CDC42SE2: variants seen among roughly 807,000 people sequenced by gnomAD.
CDC42SE2 encodes the protein CDC42 small effector protein 2.
CDC42SE2 carries 3 observed loss-of-function variants against 11.5 expected under a neutral mutation model. That is an observed-to-expected ratio of 0.26 (90% CI 0.12 to 0.67). The LOEUF (loss-of-function observed/expected upper bound fraction) is 0.67, where lower values mean the gene tolerates loss of function less well. Among genes scored for constraint, CDC42SE2 ranks in the 30% least tolerant of loss-of-function variants. The pLI is 0.80. For missense variants in CDC42SE2, 82 were observed against 106.8 expected (o/e 0.77, Z 1.02); for synonymous variants, 33 against 34.8 (o/e 0.95, Z 0.18).
At chr5:131,384,821 G>A (rs967616054) in intron 3 of CDC42SE2, among the ~76,000 whole-genome samples, 2 of 149,672 alleles carry the variant, frequency 1.3e-5, no homozygotes, top group Non-Finnish European at 2.9e-5. Flanking sequence ...AGTGGTGCGT[G>A]CCTGTAATCC....
chr5:131,216,501 C>CAAAAAAAAA, the CDC42SE2 span, among the ~76,000 whole-genome samples: 31 of 42,162 alleles, frequency 7.4e-4, 1 homozygote, highest in African/African-American at 1.8e-3. Flanking sequence ...GAACCTGTCT[C>CAAAAAAAAA]AAAAAAAAAA....
chr5:131,328,004 G>T (rs1212441016), intron 2 of CDC42SE2, among the ~76,000 whole-genome samples: 2 of 152,298 alleles, frequency 1.3e-5, no homozygotes, highest in East Asian at 3.9e-4. Context: ...ACATGTTGCT[G>T]TGGCAGAAGG....
chr5:131,348,067 C>T (rs1758897571), intron 2 of CDC42SE2, among the ~76,000 whole-genome samples: 1 of 152,146 alleles, frequency 6.6e-6, no homozygotes, highest in Non-Finnish European at 1.5e-5. Context: ...TGGAAGCATT[C>T]CCTTTGAAAA....
At chr5:131,341,440 C>T (rs961178295) in intron 2 of CDC42SE2, among the ~76,000 whole-genome samples, 5 of 152,108 alleles carry the variant, frequency 3.3e-5, no homozygotes, top group Admixed American at 6.6e-5. Context: ...TTCAACTAAA[C>T]GATCAATCAA....
At chr5:131,365,939 G>A (rs1289466414) in intron 3 of CDC42SE2, among the ~76,000 whole-genome samples, 4 of 152,128 alleles carry the variant, frequency 2.6e-5, no homozygotes, top group African/African-American at 7.2e-5. Context: ...TGGAGATTGC[G>A]CCACTGCACT....
intron 3 of CDC42SE2, among the ~76,000 whole-genome samples, chr5:131,378,554 C>T (rs1273136801): frequency 1.3e-5 from 2 of 152,120 alleles, no homozygotes; most frequent in African/African-American, 4.8e-5. Context: ...CATGGTGCCT[C>T]TAGGCCAAGA....
chr5:131,369,222 G>T (rs1749946986), intron 3 of CDC42SE2, among the ~76,000 whole-genome samples: 1 of 152,132 alleles, frequency 6.6e-6, no homozygotes, highest in South Asian at 2.1e-4. Context: ...TCATCCAATG[G>T]TATATTTATA....
intron 1 of CDC42SE2, among the ~76,000 whole-genome samples, chr5:131,271,042 CTT>C (rs888510285): frequency 5.9e-5 from 9 of 152,256 alleles, no homozygotes; most frequent in African/African-American, 2.2e-4. Context: ...AAAGCTGACT[CTT>C]TCTTCAGGAG....
chr5:131,321,267 G>A (rs116163579), intron 2 of CDC42SE2, among the ~76,000 whole-genome samples: 5,965 of 152,238 alleles, frequency 0.039, 369 homozygotes, highest in African/African-American at 0.13. Context: ...CTGTAATAGT[G>A]AAGTATTAGA....
chr5:131,334,927 T>A (rs1758517738), intron 2 of CDC42SE2, among the ~76,000 whole-genome samples: 1 of 152,208 alleles, frequency 6.6e-6, no homozygotes. Flanking sequence ...ACTCCTGGAT[T>A]CATTGATTTT....
At chr5:131,355,680 CTGAGT>C (rs1313159335) in intron 2 of CDC42SE2, among the ~76,000 whole-genome samples, 2 of 152,044 alleles carry the variant, frequency 1.3e-5, no homozygotes, top group Admixed American at 6.5e-5. Flanking sequence ...AATACCTGAA[CTGAGT>C]TAAGATATTT....
intron 1 of CDC42SE2, among the ~76,000 whole-genome samples, chr5:131,266,441 G>C (rs1401063868): frequency 6.7e-6 from 1 of 149,958 alleles, no homozygotes; most frequent in East Asian, 1.9e-4. Context: ...GGACTTACCG[G>C]CTATTAGCTT....
intron 3 of CDC42SE2, among the ~76,000 whole-genome samples, chr5:131,374,211 C>T (rs1160499694): frequency 3.3e-5 from 5 of 152,130 alleles, no homozygotes; most frequent in Non-Finnish European, 5.9e-5. Context: ...GGACAAGTCA[C>T]TTAGCTATTT....
chr5:131,260,350 C>T (rs535174324), upstream of CDC42SE2, among the ~76,000 whole-genome samples: 6 of 152,266 alleles, frequency 3.9e-5, no homozygotes, highest in East Asian at 5.8e-4. Flanking sequence ...TGGCTGGGCA[C>T]GGTGGCTCCC....
chr5:131,272,336 C>T (rs1757010575), intron 1 of CDC42SE2, among the ~76,000 whole-genome samples: 2 of 152,072 alleles, frequency 1.3e-5, no homozygotes, highest in Admixed American at 6.6e-5. Flanking sequence ...CTTCTGTAAT[C>T]CTAGTACGTT....
chr5:131,297,217 C>T (rs1248277066), intron 1 of CDC42SE2, among the ~76,000 whole-genome samples: 3 of 146,204 alleles, frequency 2.1e-5, no homozygotes, highest in Middle Eastern at 3.7e-3. Context: ...CTTTCCAGAT[C>T]ACTTTGACCT....
At chr5:131,348,598 A>G (rs1758916315) in intron 2 of CDC42SE2, among the ~76,000 whole-genome samples, 1 of 152,214 alleles carries the variant, frequency 6.6e-6, no homozygotes, top group Non-Finnish European at 1.5e-5. Flanking sequence ...TGCCATCCCC[A>G]TCAATCTACC....
chr5:131,273,800 G>T (rs1757045183), intron 1 of CDC42SE2, among the ~76,000 whole-genome samples: 1 of 151,248 alleles, frequency 6.6e-6, no homozygotes, highest in Non-Finnish European at 1.5e-5. Flanking sequence ...TTTTCTTGAG[G>T]CAGGGCCTTG....
chr5:131,321,724 C>T (rs571577804), intron 2 of CDC42SE2, among the ~76,000 whole-genome samples: 21 of 151,624 alleles, frequency 1.4e-4, no homozygotes, highest in South Asian at 2.1e-4. Context: ...TCTTCCCCCC[C>T]GCCAAAATCA....
Sources: allele counts gnomAD v4.1 joint callset (sites outside exome capture counted in the v4.1 genomes callset), GRCh38; gene constraint gnomAD v4.1.1; transcripts MANE v1.5; gene names NCBI Gene and HGNC (gene_info 2026-07-23, HGNC 2026-07-21).